PLEKHG3: variants seen among roughly 807,000 people sequenced by gnomAD.
PLEKHG3 encodes the protein pleckstrin homology and RhoGEF domain containing G3.
In PLEKHG3, 62 loss-of-function variants were observed where a neutral mutation model predicts 94.9. The observed-to-expected ratio is 0.65, with a 90% CI of 0.53 to 0.81. The LOEUF (loss-of-function observed/expected upper bound fraction) is 0.81, where lower values mean the gene tolerates loss of function less well. Among genes scored for constraint, PLEKHG3 ranks in the 30% least tolerant of loss-of-function variants. The probability of loss-of-function intolerance (pLI) is 0.00; values close to 1 mark genes in which losing one functional copy is unlikely to be tolerated. For synonymous variants in PLEKHG3, 614 were observed against 654.0 expected (o/e 0.94, Z 0.93); for missense variants, 1,461 against 1,619.3 (o/e 0.90, Z 1.68).
In PLEKHG3 at chr14:64,743,683, G is replaced by T; in HGVS notation, c.3640G>T (p.Ala1214Ser). The change falls in exon 17 of 17, where the codon GCC (alanine) becomes TCC (serine). Residue 1214 changes from alanine (A) to serine (S), a missense_variant. This residue lies in a region of PLEKHG3 where 1,201 missense variants were observed against 1,295.5 expected (regional missense o/e 0.93). Transcript: ENST00000247226. The surrounding 1 kb of genome is among the most constrained non-coding windows in gnomAD (Gnocchi z 7.2). Reference sequence around the variant, plus strand: ...GAGAAACCTTAGAGAGAAGTTCCAGGCCTTGAACTCTGTCGGTTGATGCTG... The same window carrying T: ...GAGAAACCTTAGAGAGAAGTTCCAGTCCTTGAACTCTGTCGGTTGATGCTG... ...RVRNLREKFQ[A>S]LNSVG 6.4e-7 allele frequency: 1 copy of T among 1,570,208 alleles called. No homozygotes were observed. The highest frequency in any genetic ancestry group is 1.2e-5 in the South Asian group (1 of 86,494).
intron 1 of PLEKHG3, among the ~76,000 whole-genome samples, chr14:64,708,507 C>T (rs1004744819): frequency 6.6e-6 from 1 of 152,060 alleles, no homozygotes; most frequent in Non-Finnish European, 1.5e-5. Context: ...GTGGAGGCTT[C>T]GAGATGGCTC....
rs953277668 is a variant in PLEKHG3 at position 64,721,414 on chromosome 14, C to T, written c.-39-6179C>T. Among the ~76,000 whole-genome samples the T allele has an allele frequency of 1.3e-5, 2 of 152,158 alleles. No homozygotes were observed. The highest frequency in any genetic ancestry group is 2.4e-5 in the African/African-American group (1 of 41,438). ...CAGGCCCAGGCTTTCTCCTGGAGTC[C>T]ATGTGGGAGGGCTCCCCTGGCAACA... On this transcript the variant is annotated intron_variant, in intron 1 of 16. Transcript: ENST00000247226. This position sits in a 1 kb window ranked among gnomAD's most constrained non-coding sequence, Gnocchi z 4.3.
At position 64,743,153 on chromosome 14, in the gene PLEKHG3, G is replaced by A. The variant is rs780420107; in HGVS notation, c.3110G>A (p.Ser1037Asn). 7 of 1,610,844 alleles carry A rather than the reference G, an allele frequency of 4.3e-6. No individual in the cohort carries two copies. The South Asian group carries it at 7.7e-5, about 18-fold the overall frequency. Residue 1037 changes from serine (S) to asparagine (N), a missense_variant, in exon 17 of 17, where the codon AGC (serine) becomes AAC (asparagine). By Grantham distance (46) the Ser-to-Asn change is conservative. Coordinates refer to ENST00000247226, the MANE Select transcript of PLEKHG3 (RefSeq NM_001308147.2). The surrounding 1 kb of genome is among the most constrained non-coding windows in gnomAD (Gnocchi z 7.2). ...CCTGGGGGCCGGCCCTCCGCCCGGA[G>A]CCCCCTCAGCCCCACAGAGACCTTC... ...TSPGGRPSAR[S>N]PLSPTETFSW...
At position 64,739,224 on chromosome 14, in the gene PLEKHG3, C is replaced by T. The variant is rs942274261; in HGVS notation, c.1518+369C>T. 5.9e-5 allele frequency among the ~76,000 whole-genome samples: 9 copies of T among 152,182 alleles called. No homozygotes were observed. Among genetic ancestry groups the T allele is most frequent in the Non-Finnish European group, 1.5e-5 (1 of 68,038 alleles). On this transcript the variant is annotated intron_variant, in intron 15 of 16. Transcript: ENST00000247226. This position sits in a 1 kb window ranked among gnomAD's most constrained non-coding sequence, Gnocchi z 4.1. ...ACATTGAAATCACACCTGTGGTCAC[C>T]TGGGCAAAGGGTAGAGAACTGATAT...
In PLEKHG3 at chr14:64,749,730, A is replaced by G. The variant is rs778471239; in HGVS notation, c.*6027A>G. 96 of 1,610,324 alleles carry G rather than the reference A, an allele frequency of 6.0e-5. 3 individuals carry two copies. The South Asian group carries it at 1.0e-3, about 17-fold the overall frequency. ...ACAAAGGGTTTCCTGTCATGGAGAC[A>G]CCTCTGGAGGGGGCGCTGGGCAGAG... On this transcript the variant is annotated 3_prime_UTR_variant, in exon 17 of 17. Coordinates refer to ENST00000247226, the MANE Select transcript of PLEKHG3 (RefSeq NM_001308147.2). This position sits in a 1 kb window ranked among gnomAD's most constrained non-coding sequence, Gnocchi z 4.7.
Position 64,743,837 on chromosome 14 carries a change from T to A in PLEKHG3, c.*134T>A. On this transcript the variant is annotated 3_prime_UTR_variant, in exon 17 of 17. Transcript: ENST00000247226. The surrounding 1 kb of genome is among the most constrained non-coding windows in gnomAD (Gnocchi z 7.2). ...GGCGGAAAGTCCATCCCCTCCGCCC[T>A]TCAGGAAGGATGCTCCCGTGTGCAG... is the stretch of plus-strand genomic sequence containing the variant. 1 of 950,110 alleles carries A rather than the reference T, an allele frequency of 1.1e-6. No individual in the cohort carries two copies. The highest frequency in any genetic ancestry group is 1.5e-6 in the Non-Finnish European group (1 of 662,638). The allele number at this position is 950,110 out of a possible 1,614,324, so 58.9% of individuals were successfully genotyped here.
Position 64,732,260 on chromosome 14 carries a change from C to A in PLEKHG3, c.1212+79C>A. On this transcript the variant is annotated intron_variant, in intron 10 of 16. Coordinates refer to ENST00000247226, the MANE Select transcript of PLEKHG3 (RefSeq NM_001308147.2). This position sits in a 1 kb window ranked among gnomAD's most constrained non-coding sequence, Gnocchi z 4.9. ...AGCTCTGCAAGGTCCATTGGGGGCT[C>A]ACCTTCTGGATTTGGGCTCCAGTGG... The A allele has an allele frequency of 7.2e-7, 1 of 1,384,700 alleles. No individual in the cohort carries two copies. The highest frequency in any genetic ancestry group is 1.2e-5 in the South Asian group (1 of 85,822). The allele number at this position is 1,384,700 out of a possible 1,614,324, so 85.8% of individuals were successfully genotyped here.
rs1238712812 is a variant in PLEKHG3 at position 64,717,429 on chromosome 14, G to C, written c.-39-10164G>C. On this transcript the variant is annotated intron_variant, in intron 1 of 16. Transcript: ENST00000247226. The surrounding 1 kb of genome is among the most constrained non-coding windows in gnomAD (Gnocchi z 4.7). The stretch of plus-strand genomic sequence containing the variant: ...TCCAAGCCACCATTCTGATGGGCTT[G>C]GGAAGGGAAAGTGAGAACTGGGGGA... Among the ~76,000 whole-genome samples the C allele has an allele frequency of 1.3e-5, 2 of 152,074 alleles. No homozygotes were observed. Among genetic ancestry groups the C allele is most frequent in the Admixed American group, 1.3e-4 (2 of 15,280 alleles).
Position 64,738,722 on chromosome 14 carries a change from A to C in PLEKHG3, c.1405-20A>C. 4 of 1,514,764 alleles carry C rather than the reference A, an allele frequency of 2.6e-6. No individual in the cohort carries two copies. The highest frequency in any genetic ancestry group is 3.6e-6 in the Non-Finnish European group (4 of 1,109,906). The allele number at this position is 1,514,764 out of a possible 1,614,324, so 93.8% of individuals were successfully genotyped here. On this transcript the variant is annotated intron_variant, in intron 14 of 16. Transcript: ENST00000247226. This position sits in a 1 kb window ranked among gnomAD's most constrained non-coding sequence, Gnocchi z 4.8. ...GCTTCCAGTTGTCTTGGAGTTGATG[A>C]CTGACCTCTACCTCTGCAGGGAAAG...
In PLEKHG3 at chr14:64,732,757, G is replaced by A. The variant is rs763672630; in HGVS notation, c.1247-46G>A. The A allele has an allele frequency of 1.4e-6, 2 of 1,469,146 alleles. No individual in the cohort carries two copies. The highest frequency in any genetic ancestry group is 1.2e-5 in the South Asian group (1 of 83,086). The allele number at this position is 1,469,146 out of a possible 1,614,324, so 91.0% of individuals were successfully genotyped here. On this transcript the variant is annotated intron_variant, in intron 11 of 16. Coordinates refer to ENST00000247226, the MANE Select transcript of PLEKHG3 (RefSeq NM_001308147.2). This position sits in a 1 kb window ranked among gnomAD's most constrained non-coding sequence, Gnocchi z 4.9. ...ATGGACAGGGTCTAGGGTAGGCCAA[G>A]GCCAATTGGGAATCAAAAGCTTGAT...
chr14:64,719,749 C>T (rs1449940659), intron 1 of PLEKHG3, among the ~76,000 whole-genome samples: 1 of 151,944 alleles, frequency 6.6e-6, no homozygotes, highest in Admixed American at 6.6e-5. Flanking sequence ...TTCCTCCTAC[C>T]CACCCACCCC....
At position 64,720,137 on chromosome 14, in the gene PLEKHG3, CT is replaced by C. The variant is rs1233937185; in HGVS notation, c.-39-7452del. Among the ~76,000 whole-genome samples, 1 of 152,250 alleles carries C rather than the reference CT, an allele frequency of 6.6e-6. No homozygotes were observed. The highest frequency in any genetic ancestry group is 2.4e-5 in the African/African-American group (1 of 41,476). On this transcript the variant is annotated intron_variant, in intron 1 of 16. Transcript: ENST00000247226. The surrounding 1 kb of genome is among the most constrained non-coding windows in gnomAD (Gnocchi z 4.1). ...TTACATGAAACTTCCTGGCAGATTG[CT>C]TTTCCTGGGACATTTGCAGGGAGAC...
intron 12 of PLEKHG3, among the ~76,000 whole-genome samples, chr14:64,736,090 C>T (rs887406817): frequency 2.0e-5 from 3 of 152,232 alleles, no homozygotes; most frequent in African/African-American, 7.2e-5. Context: ...CAAATCATGG[C>T]GATCCCTGGG....
rs937043063 is a variant in PLEKHG3 at position 64,731,744 on chromosome 14, A to G, written c.1063A>G (p.Arg355Gly). 12 of 1,613,512 alleles carry G rather than the reference A, an allele frequency of 7.4e-6. No individual in the cohort carries two copies. The highest frequency in any genetic ancestry group is 1.0e-5 in the Non-Finnish European group (12 of 1,179,572). ...CSSLMLIESTRDSLCFTVTHY... is the reference protein window; with the variant it reads ...CSSLMLIESTGDSLCFTVTHY... Reference sequence around the variant, plus strand: ...CTCCCTGATGCTGATCGAAAGCACCAGAGACTCCCTGTGCTTCACTGTCAC... The same window carrying G: ...CTCCCTGATGCTGATCGAAAGCACCGGAGACTCCCTGTGCTTCACTGTCAC... The change falls in exon 9 of 17, where the codon AGA becomes GGA. Residue 355 changes from arginine to glycine, a missense_variant. Transcript: ENST00000247226. The surrounding 1 kb of genome is among the most constrained non-coding windows in gnomAD (Gnocchi z 6.1).
Position 64,732,875 on chromosome 14 carries a change from A to T in PLEKHG3, c.1319A>T (p.Asn440Ile), listed in dbSNP as rs374987424. The change falls in exon 12 of 17, where the codon AAT becomes ATT. Residue 440 changes from asparagine (N) to isoleucine (I), a missense_variant. Coordinates refer to ENST00000247226, the MANE Select transcript of PLEKHG3 (RefSeq NM_001308147.2). The surrounding 1 kb of genome is among the most constrained non-coding windows in gnomAD (Gnocchi z 4.9). Reference protein sequence around the residue: ...AWSSQDEVSTNVRQGRRQSEP... With the variant: ...AWSSQDEVSTIVRQGRRQSEP... Reference sequence around the variant, plus strand: ...TCCTCCCAGGATGAGGTGTCCACCAATGTGCGCCAGGGGCGCCGGCAATCT... The same window carrying T: ...TCCTCCCAGGATGAGGTGTCCACCATTGTGCGCCAGGGGCGCCGGCAATCT... 3 of 1,609,612 alleles carry T rather than the reference A, an allele frequency of 1.9e-6. No homozygotes were observed. Among genetic ancestry groups the T allele is most frequent in the Non-Finnish European group, 2.5e-6 (3 of 1,178,384 alleles).
Position 64,726,068 on chromosome 14 carries a change from G to A in PLEKHG3, c.-39-1525G>A, listed in dbSNP as rs2081346825. Among the ~76,000 whole-genome samples, 1 of 152,150 alleles carries A rather than the reference G, an allele frequency of 6.6e-6. No individual in the cohort carries two copies. The highest frequency in any genetic ancestry group is 2.4e-5 in the African/African-American group (1 of 41,418). On this transcript the variant is annotated intron_variant, in intron 1 of 16. Coordinates refer to ENST00000247226, the MANE Select transcript of PLEKHG3 (RefSeq NM_001308147.2). The surrounding 1 kb of genome is among the most constrained non-coding windows in gnomAD (Gnocchi z 5.1). Reference sequence around the variant, plus strand: ...TGGGGGATATTGGAAGGTTCCTGGAGGGGGCGATGTCTAATTGGAGACCTA... The same window carrying A: ...TGGGGGATATTGGAAGGTTCCTGGAAGGGGCGATGTCTAATTGGAGACCTA...
In PLEKHG3 at chr14:64,750,082, G is replaced by A. The variant is rs762818156; in HGVS notation, c.*6379G>A. 8.1e-6 allele frequency: 13 copies of A among 1,614,010 alleles called. No individual in the cohort carries two copies. Among genetic ancestry groups the A allele is most frequent in the African/African-American group, 2.7e-5 (2 of 74,896 alleles). ...CCTCCCCATGGTAGGGCATCCCCAG[G>A]GCCAGGTTCTTGGCATCCTTGTAGA... On this transcript the variant is annotated 3_prime_UTR_variant, in exon 17 of 17. Transcript: ENST00000247226.
chr14:64,736,529 G>C (rs2081572579), intron 12 of PLEKHG3, among the ~76,000 whole-genome samples: 1 of 152,180 alleles, frequency 6.6e-6, no homozygotes, highest in African/African-American at 2.4e-5. Flanking sequence ...GGGTAGCATG[G>C]AACTGAGTCC....
At chr14:64,706,961 G>T (rs1380991103) in intron 1 of PLEKHG3, among the ~76,000 whole-genome samples, 1 of 152,240 alleles carries the variant, frequency 6.6e-6, no homozygotes, top group African/African-American at 2.4e-5. Context: ...TGTGTTGGGG[G>T]TTGCAGGGAC....
Sources: gnomAD v4.1 joint callset for allele counts (sites outside exome capture counted in the v4.1 genomes callset) on GRCh38, gnomAD v4.1.1 for gene constraint, gnomAD v4.1.1 regional missense constraint, Gnocchi (gnomAD v3.1) non-coding constraint, MANE v1.5 for transcripts, NCBI Gene and HGNC (gene_info 2026-07-23, HGNC 2026-07-21) for gene names.